The following PLA2G4A variants were observed in gnomAD, a reference collection of about 807,000 sequenced individuals.
The protein encoded by PLA2G4A is phospholipase A2 group IVA.
PLA2G4A carries 40 observed loss-of-function variants against 81.9 expected under a neutral mutation model. That is an observed-to-expected ratio of 0.49 (90% confidence interval 0.38 to 0.64). The LOEUF (loss-of-function observed/expected upper bound fraction) is 0.64, where lower values mean the gene tolerates loss of function less well. Ranked by LOEUF, PLA2G4A falls within the 30% of genes least tolerant of loss-of-function variation. The probability of loss-of-function intolerance (pLI) is 0.00; values close to 1 mark genes in which losing one functional copy is unlikely to be tolerated. For synonymous variants in PLA2G4A, 302 were observed against 296.9 expected (o/e 1.02, Z -0.18); for missense variants, 715 against 905.1 (o/e 0.79, Z 2.69).
intron 7 of PLA2G4A, among the ~76,000 whole-genome samples, chr1:186,928,618 T>C (rs1214778005): frequency 2.6e-5 from 4 of 152,196 alleles, no homozygotes; most frequent in African/African-American, 9.7e-5. Flanking sequence ...TATCTACTCA[T>C]CCTGTTGGTT....
At chr1:186,861,406 G>T (rs1327430505) in intron 2 of PLA2G4A, among the ~76,000 whole-genome samples, 1 of 152,144 alleles carries the variant, frequency 6.6e-6, no homozygotes, top group African/African-American at 2.4e-5. Flanking sequence ...CTGGGTTTTT[G>T]TGCTCTTTTT....
intron 15 of PLA2G4A, among the ~76,000 whole-genome samples, chr1:186,973,816 C>A (rs1657440684): frequency 6.6e-6 from 1 of 152,134 alleles, no homozygotes; most frequent in African/African-American, 2.4e-5. Flanking sequence ...TTAATTCTAA[C>A]TTGTAGTTTC....
At chr1:186,902,966 G>A (rs941756723) in intron 5 of PLA2G4A, among the ~76,000 whole-genome samples, 1 of 151,972 alleles carries the variant, frequency 6.6e-6, no homozygotes, top group African/African-American at 2.4e-5. Context: ...GAATTTATTA[G>A]ATGTGAGTTT....
chr1:186,939,242 T>A lies in PLA2G4A; in HGVS notation c.918+12T>A. On this transcript the variant is annotated intron_variant, in intron 9 of 17. Coordinates refer to ENST00000367466, the MANE Select transcript of PLA2G4A (RefSeq NM_024420.3). ...CACTAATTCATAATGTAAGTTACAGTTCAATCTACACTGCTTTTATAACAA... is the reference window on the plus strand; with the variant it reads ...CACTAATTCATAATGTAAGTTACAGATCAATCTACACTGCTTTTATAACAA... The A allele has an allele frequency of 8.4e-7, 1 of 1,189,516 alleles. No individual in the cohort carries two copies. Among genetic ancestry groups the A allele is most frequent in the Non-Finnish European group, 1.3e-6 (1 of 792,620 alleles). The allele number at this position is 1,189,516 out of a possible 1,614,324, so 73.7% of individuals were successfully genotyped here.
intron 2 of PLA2G4A, among the ~76,000 whole-genome samples, chr1:186,866,917 G>T (rs1653054468): frequency 6.6e-6 from 1 of 151,304 alleles, no homozygotes; most frequent in African/African-American, 2.4e-5. Flanking sequence ...GCATGTGGAT[G>T]TCCAGTTGTT....
At chr1:186,922,753 G>T (rs965867772) in intron 7 of PLA2G4A, among the ~76,000 whole-genome samples, 1 of 152,168 alleles carries the variant, frequency 6.6e-6, no homozygotes, top group African/African-American at 2.4e-5. Flanking sequence ...CTGGAGCATC[G>T]GCAAGACTCC....
chr1:186,849,729 A>G lies in PLA2G4A; in HGVS notation c.-69-4557A>G, dbSNP rs146913083. Among the ~76,000 whole-genome samples the G allele has an allele frequency of 3.0e-4, 46 of 152,198 alleles. No homozygotes were observed. In the East Asian group the frequency reaches 7.9e-3, roughly 26 times the overall value. On this transcript the variant is annotated intron_variant, in intron 1 of 17. Transcript: ENST00000367466. ...ATTTTACTTGTTTCCATCATTTTAT[A>G]CAACTCTATTTCCAATTGTTTCTTT...
At chr1:186,897,356 A>G (rs1326701421) in intron 5 of PLA2G4A, among the ~76,000 whole-genome samples, 1 of 152,128 alleles carries the variant, frequency 6.6e-6, no homozygotes, top group African/African-American at 2.4e-5. Context: ...ATAGCTCTCC[A>G]GAATGTTTGA....
intron 1 of PLA2G4A, among the ~76,000 whole-genome samples, chr1:186,830,957 G>GCTTGCTTTCTTT (rs1491468816): frequency 2.8e-4 from 23 of 82,780 alleles, no homozygotes; most frequent in East Asian, 6.5e-4. Context: ...TTGCTTGCTT[G>GCTTGCTTTCTTT]CTTTCTTTCT....
intron 1 of PLA2G4A, among the ~76,000 whole-genome samples, chr1:186,830,008 A>C (rs1651489836): frequency 6.6e-6 from 1 of 152,166 alleles, no homozygotes; most frequent in African/African-American, 2.4e-5. Context: ...TTGTTGTTTA[A>C]ATTTAGAATT....
chr1:186,955,729 G>C (rs1418541995), intron 13 of PLA2G4A, among the ~76,000 whole-genome samples: 6 of 91,150 alleles, frequency 6.6e-5, no homozygotes, highest in South Asian at 9.2e-4. Flanking sequence ...ATCCAAAGAA[G>C]ATCCCTTTTT....
intron 14 of PLA2G4A, among the ~76,000 whole-genome samples, chr1:186,960,124 A>G (rs773261390): frequency 5.3e-5 from 8 of 150,492 alleles, no homozygotes; most frequent in Non-Finnish European, 1.0e-4. Context: ...AATTCCACTC[A>G]TGTGTTTACT....
At chr1:186,970,041 G>A (rs1253168721) in intron 15 of PLA2G4A, among the ~76,000 whole-genome samples, 1 of 151,882 alleles carries the variant, frequency 6.6e-6, no homozygotes, top group Non-Finnish European at 1.5e-5. Context: ...ATGTAGGAGG[G>A]TTCCCCTTTC....
At chr1:186,895,303 T>C (rs1315862499) in intron 5 of PLA2G4A, among the ~76,000 whole-genome samples, 1 of 152,234 alleles carries the variant, frequency 6.6e-6, no homozygotes, top group Non-Finnish European at 1.5e-5. Flanking sequence ...GCTTCTTGAC[T>C]AGTCCATGCA....
intron 7 of PLA2G4A, among the ~76,000 whole-genome samples, chr1:186,921,894 G>A (rs6682481): frequency 0.56 from 85,077 of 151,754 alleles, 25,362 homozygotes; most frequent in African/African-American, 0.76. Context: ...TTACATATGG[G>A]AACTCATCTG....
At chr1:186,965,658 T>C in intron 15 of PLA2G4A, 65 bp downstream of exon 15, 1 of 1,152,978 alleles carries the variant, frequency 8.7e-7, no homozygotes, top group East Asian at 2.3e-5. Context: ...ATAGATCTCT[T>C]AGTCCCTTTG....
At chr1:186,865,336 A>C (rs1261573974) in intron 2 of PLA2G4A, among the ~76,000 whole-genome samples, 2 of 152,110 alleles carry the variant, frequency 1.3e-5, no homozygotes, top group Admixed American at 1.3e-4. Context: ...TAGTATTGTT[A>C]GACTAAAAAT....
At chr1:186,874,876 G>T (rs1653411222) in intron 3 of PLA2G4A, among the ~76,000 whole-genome samples, 1 of 152,042 alleles carries the variant, frequency 6.6e-6, no homozygotes, top group Non-Finnish European at 1.5e-5. Context: ...GTCTGTGCCT[G>T]TAGGTAAATG....
At chr1:186,874,276 A>G (rs1043072617) in intron 3 of PLA2G4A, among the ~76,000 whole-genome samples, 4 of 152,208 alleles carry the variant, frequency 2.6e-5, no homozygotes, top group Middle Eastern at 3.4e-3. Flanking sequence ...TTGTGCCTGT[A>G]AGAAACAGAA....
Sources: gnomAD v4.1 joint callset for allele counts (sites outside exome capture counted in the v4.1 genomes callset) on GRCh38, gnomAD v4.1.1 for gene constraint, MANE v1.5 for transcripts, NCBI Gene and HGNC (gene_info 2026-07-23, HGNC 2026-07-21) for gene names.